Variants in SV2B observed in about 807,000 individuals in gnomAD.
The protein encoded by SV2B is synaptic vesicle glycoprotein 2B, also known as solute carrier family 22 member B2.
A neutral mutation model predicts 73.9 loss-of-function variants in SV2B; 41 were observed. The observed-to-expected ratio is 0.56, with a 90% CI of 0.43 to 0.72. The LOEUF (loss-of-function observed/expected upper bound fraction) is 0.72. Among genes scored for constraint, SV2B ranks in the 30% least tolerant of loss-of-function variants. SV2B has a pLI of 0.00. For missense variants in SV2B, 764 were observed against 857.8 expected (o/e 0.89, Z 1.37); for synonymous variants, 314 against 314.2 (o/e 1.00, Z 0.01).
At position 91,226,118 on chromosome 15, in the gene SV2B, C is replaced by A. The variant is rs1241546301; in HGVS notation, c.-146C>A. ...TTTGAGAGATAAAGGGGGGGGGAAC[C>A]AGTGTGACTTTCACCTAAGAAGTCA... On this transcript the variant is annotated 5_prime_UTR_variant, in exon 2 of 13. Transcript: ENST00000394232. The A allele has an allele frequency of 2.4e-5, 18 of 740,436 alleles. No homozygotes were observed. In the Admixed American group the frequency reaches 3.7e-4, roughly 15 times the overall value. 45.9% of individuals were successfully genotyped at this position (740,436 alleles called of 1,614,324 possible).
chr15:91,243,802 T>G (rs2141576307), intron 2 of SV2B, among the ~76,000 whole-genome samples: 1 of 152,350 alleles, frequency 6.6e-6, no homozygotes, highest in Non-Finnish European at 1.5e-5. Context: ...AGCAAGGGGC[T>G]TCTGTCTCTC....
Position 91,124,661 on chromosome 15 carries a change from T to A in SV2B, c.-392+24298T>A, listed in dbSNP as rs28498998. Among the ~76,000 whole-genome samples, 167 of 145,962 alleles carry A rather than the reference T, an allele frequency of 1.1e-3. No homozygotes were observed. Among genetic ancestry groups the A allele is most frequent in the African/African-American group, 3.6e-3 (143 of 39,692 alleles). ...AGAAATTTCTTTCTTTCAACAAAAATTTTTTTTTTTTTGAGACAGTCTCAC... is the reference window on the plus strand; with the variant it reads ...AGAAATTTCTTTCTTTCAACAAAAAATTTTTTTTTTTTGAGACAGTCTCAC... On this transcript the variant is annotated intron_variant, in intron 1 of 12. Coordinates refer to ENST00000394232, the MANE Select transcript of SV2B (RefSeq NM_001323032.3). The surrounding 1 kb of genome is among the most constrained non-coding windows in gnomAD (Gnocchi z 4.6).
In SV2B at chr15:91,121,987, G is replaced by A. The variant is rs2042351110; in HGVS notation, c.-392+21624G>A. 6.6e-6 allele frequency among the ~76,000 whole-genome samples: 1 copy of A among 152,054 alleles called. No individual in the cohort carries two copies. Among genetic ancestry groups the A allele is most frequent in the Non-Finnish European group, 1.5e-5 (1 of 68,000 alleles). On this transcript the variant is annotated intron_variant, in intron 1 of 12. Coordinates refer to ENST00000394232, the MANE Select transcript of SV2B (RefSeq NM_001323032.3). The surrounding 1 kb of genome is among the most constrained non-coding windows in gnomAD (Gnocchi z 4.4). ...GACGGGGTTTCACCATGTTAGCCAG[G>A]ATGGTCTCGATCTCCTGACTTCATG...
intron 9 of SV2B, among the ~76,000 whole-genome samples, chr15:91,277,703 C>A (rs528714183): frequency 7.2e-5 from 11 of 152,210 alleles, no homozygotes; most frequent in South Asian, 4.2e-4. Context: ...ATCCATTTAC[C>A]TGTTGAAGGG....
rs544577946 is a variant in SV2B at position 91,100,933 on chromosome 15, G to C, written c.-392+570G>C. On this transcript the variant is annotated intron_variant, in intron 1 of 12. Coordinates refer to ENST00000394232, the MANE Select transcript of SV2B (RefSeq NM_001323032.3). The surrounding 1 kb of genome is among the most constrained non-coding windows in gnomAD (Gnocchi z 6.4). ...TAGCGCAAGGGAAAGAAAATGACTT[G>C]TTTTGCAGGGATGGGCTAGCAAATG... Among the ~76,000 whole-genome samples, 7 of 152,226 alleles carry C rather than the reference G, an allele frequency of 4.6e-5. No homozygotes were observed. The highest frequency in any genetic ancestry group is 1.4e-4 in the African/African-American group (6 of 41,456).
intron 2 of SV2B, among the ~76,000 whole-genome samples, chr15:91,248,696 C>A (rs1372339038): frequency 6.6e-6 from 1 of 152,166 alleles, no homozygotes; most frequent in African/African-American, 2.4e-5. Context: ...GGTCCCCAGA[C>A]CAGCAGCACT....
In SV2B at chr15:91,252,629, T is replaced by A. The variant is rs2074084; in HGVS notation, c.784+109T>A. On this transcript the variant is annotated intron_variant, in intron 4 of 12. Transcript: ENST00000394232. This position sits in a 1 kb window ranked among gnomAD's most constrained non-coding sequence, Gnocchi z 4.6. ...TCCATGTACTCACGCACAGTTCCCG[T>A]ACGTGACCTTGATCTTTCTTAACAA... 0.32 allele frequency: 382,019 copies of A among 1,182,870 alleles called. 68,484 individuals carry two copies. Among genetic ancestry groups the A allele is most frequent in the African/African-American group, 0.73 (46,035 of 63,254 alleles). The allele number at this position is 1,182,870 out of a possible 1,614,324, so 73.3% of individuals were successfully genotyped here. A position where few individuals can be genotyped will look rare whatever the true frequency, so the allele number is the denominator to read the frequency against.
chr15:91,209,344 A>T (rs1222032661), intron 1 of SV2B, among the ~76,000 whole-genome samples: 1 of 150,282 alleles, frequency 6.7e-6, no homozygotes, highest in Non-Finnish European at 1.5e-5. Flanking sequence ...CTGGTCTTGA[A>T]CTCCTGACCT....
chr15:91,227,008 T>G lies in SV2B; in HGVS notation c.451+294T>G, dbSNP rs1441631589. ...CTTCTTCATGTTAAACCTTCTTCGA[T>G]GTCCAAATGACAAATACATTTTGGG... On this transcript the variant is annotated intron_variant, in intron 2 of 12. Transcript: ENST00000394232. The surrounding 1 kb of genome is among the most constrained non-coding windows in gnomAD (Gnocchi z 4.5). Among the ~76,000 whole-genome samples, 2 of 152,184 alleles carry G rather than the reference T, an allele frequency of 1.3e-5. No homozygotes were observed. The highest frequency in any genetic ancestry group is 2.4e-5 in the African/African-American group (1 of 41,448).
At chr15:91,248,734 G>A (rs1262565517) in intron 2 of SV2B, among the ~76,000 whole-genome samples, 5 of 152,182 alleles carry the variant, frequency 3.3e-5, no homozygotes, top group Admixed American at 1.3e-4. Flanking sequence ...TGTTAGAGAT[G>A]CAGAATCTCA....
Position 91,242,787 on chromosome 15 carries a change from A to G in SV2B, c.452-9032A>G, listed in dbSNP as rs1283201671. Among the ~76,000 whole-genome samples, 6 of 152,214 alleles carry G rather than the reference A, an allele frequency of 3.9e-5. No homozygotes were observed. Among genetic ancestry groups the G allele is most frequent in the Non-Finnish European group, 5.9e-5 (4 of 68,030 alleles). Reference sequence around the variant, plus strand: ...CGAATACTCACTTTCTGAACATGCTATTAAAGGCTGCACAAATCTCTGTCA... The same window carrying G: ...CGAATACTCACTTTCTGAACATGCTGTTAAAGGCTGCACAAATCTCTGTCA... On this transcript the variant is annotated intron_variant, in intron 2 of 12. Transcript: ENST00000394232. The surrounding 1 kb of genome is among the most constrained non-coding windows in gnomAD (Gnocchi z 4.9).
chr15:91,295,403 A>G lies in SV2B; in HGVS notation c.*2851A>G, dbSNP rs899354443. On this transcript the variant is annotated 3_prime_UTR_variant, in exon 13 of 13. Transcript: ENST00000394232. ...TCATTAAAACTAAATAATAAAAATA[A>G]CTGTAAGAAAACCTTAAGGACTGGG... 24 of 152,224 alleles carry G rather than the reference A, an allele frequency of 1.6e-4. No individual in the cohort carries two copies. The highest frequency in any genetic ancestry group is 8.5e-4 in the Admixed American group (13 of 15,290). 9.4% of individuals were successfully genotyped at this position (152,224 alleles called of 1,614,324 possible).
Position 91,297,574 on chromosome 15 carries a change from C to CA in SV2B, c.*5023dup, listed in dbSNP as rs1192489289. On this transcript the variant is annotated 3_prime_UTR_variant, in exon 13 of 13. Transcript: ENST00000394232. The surrounding 1 kb of genome is among the most constrained non-coding windows in gnomAD (Gnocchi z 5.1). The stretch of plus-strand genomic sequence containing the variant: ...CATTTTTTAACAAACTCCCAGGTGA[C>CA]ATAGATGGCATCAATTCTCAAGCCA... 1 of 152,166 alleles carries CA rather than the reference C, an allele frequency of 6.6e-6. No individual in the cohort carries two copies. Among genetic ancestry groups the CA allele is most frequent in the Non-Finnish European group, 1.5e-5 (1 of 68,036 alleles). The allele number at this position is 152,166 out of a possible 1,614,324, so 9.4% of individuals were successfully genotyped here. A position where few individuals can be genotyped will look rare whatever the true frequency, so the allele number is the denominator to read the frequency against.
At position 91,106,136 on chromosome 15, in the gene SV2B, A is replaced by G. The variant is rs1237177625; in HGVS notation, c.-392+5773A>G. 6.6e-6 allele frequency among the ~76,000 whole-genome samples: 1 copy of G among 152,228 alleles called. No individual in the cohort carries two copies. Among genetic ancestry groups the G allele is most frequent in the Non-Finnish European group, 1.5e-5 (1 of 68,042 alleles). ...TGTGGATGAGTTAGATACTTAGAGT[A>G]TGAGAAAAAGATGACATAATGAATT... On this transcript the variant is annotated intron_variant, in intron 1 of 12. Coordinates refer to ENST00000394232, the MANE Select transcript of SV2B (RefSeq NM_001323032.3). The surrounding 1 kb of genome is among the most constrained non-coding windows in gnomAD (Gnocchi z 4.4).
chr15:91,241,583 C>G lies in SV2B; in HGVS notation c.452-10236C>G, dbSNP rs1305740788. Among the ~76,000 whole-genome samples, 1 of 152,132 alleles carries G rather than the reference C, an allele frequency of 6.6e-6. No homozygotes were observed. The highest frequency in any genetic ancestry group is 2.4e-5 in the African/African-American group (1 of 41,426). ...CACTCTCAGATTAATAAACTCAGTTCCTCCTGAACTGAGAACAACAGAAGT... is the reference window on the plus strand; with the variant it reads ...CACTCTCAGATTAATAAACTCAGTTGCTCCTGAACTGAGAACAACAGAAGT... On this transcript the variant is annotated intron_variant, in intron 2 of 12. Coordinates refer to ENST00000394232, the MANE Select transcript of SV2B (RefSeq NM_001323032.3). The surrounding 1 kb of genome is among the most constrained non-coding windows in gnomAD (Gnocchi z 4.8).
intron 1 of SV2B, among the ~76,000 whole-genome samples, chr15:91,167,179 A>T (rs962206065): frequency 1.3e-5 from 2 of 152,122 alleles, no homozygotes; most frequent in South Asian, 4.1e-4. Flanking sequence ...CCATTATTTT[A>T]TGGAATATGG....
At chr15:91,165,131 G>A (rs945037507) in intron 1 of SV2B, among the ~76,000 whole-genome samples, 2 of 152,088 alleles carry the variant, frequency 1.3e-5, no homozygotes, top group South Asian at 4.2e-4. Context: ...GAGGTCAGGA[G>A]TTTGAGACCA....
At chr15:91,126,127 G>A (rs193267560) in intron 1 of SV2B, among the ~76,000 whole-genome samples, 59 of 152,308 alleles carry the variant, frequency 3.9e-4, no homozygotes, top group African/African-American at 1.4e-3. Flanking sequence ...TTGGCACTGA[G>A]TTCCAAATAC....
In SV2B at chr15:91,265,415, T is replaced by C. The variant is rs559834107; in HGVS notation, c.1009-1167T>C. ...ATGAATCGTAAATTAGAGTGAGTAA[T>C]TATGCTTCAAGTTGTCAACACACTC... On this transcript the variant is annotated intron_variant, in intron 6 of 12. Transcript: ENST00000394232. The surrounding 1 kb of genome is among the most constrained non-coding windows in gnomAD (Gnocchi z 4.2). 6.6e-6 allele frequency among the ~76,000 whole-genome samples: 1 copy of C among 152,290 alleles called. No homozygotes were observed. Among genetic ancestry groups the C allele is most frequent in the African/African-American group, 2.4e-5 (1 of 41,558 alleles).
Sources: gnomAD v4.1 joint callset for allele counts (sites outside exome capture counted in the v4.1 genomes callset) on GRCh38, gnomAD v4.1.1 for gene constraint, Gnocchi (gnomAD v3.1) non-coding constraint, MANE v1.5 for transcripts, NCBI Gene and HGNC (gene_info 2026-07-23, HGNC 2026-07-21) for gene names.